TOX: variants seen among roughly 807,000 people sequenced by gnomAD.
TOX encodes thymocyte selection-associated high mobility group box protein TOX.
In TOX, 11 loss-of-function variants were observed where a neutral mutation model predicts 53.7. That is an observed-to-expected ratio of 0.20 (90% CI 0.13 to 0.34). The LOEUF (loss-of-function observed/expected upper bound fraction) is 0.34. Among genes scored for constraint, TOX ranks in the 10% least tolerant of loss-of-function variants. The pLI is 1.00. For missense variants in TOX, 570 were observed against 664.6 expected (o/e 0.86, Z 1.56); for synonymous variants, 225 against 245.3 (o/e 0.92, Z 0.77).
intron 6 of TOX, among the ~76,000 whole-genome samples, chr8:58,825,975 A>G (rs1198905759): frequency 6.6e-6 from 1 of 152,224 alleles, no homozygotes; most frequent in Non-Finnish European, 1.5e-5. Flanking sequence ...CAAATAGTTT[A>G]CTGAAATTTC....
chr8:59,064,216 C>T (rs767324579), intron 1 of TOX, among the ~76,000 whole-genome samples: 1 of 152,148 alleles, frequency 6.6e-6, no homozygotes, highest in Non-Finnish European at 1.5e-5. Flanking sequence ...CCCTGCAAAG[C>T]TATTAACATA....
chr8:59,081,093 C>A (rs1043155641), intron 1 of TOX, among the ~76,000 whole-genome samples: 1 of 152,160 alleles, frequency 6.6e-6, no homozygotes, highest in African/African-American at 2.4e-5. Context: ...GTGGTGCTAT[C>A]TAGGCTTACT....
At chr8:58,988,570 G>A (rs1813381277) in intron 1 of TOX, among the ~76,000 whole-genome samples, 1 of 152,098 alleles carries the variant, frequency 6.6e-6, no homozygotes, top group South Asian at 2.1e-4. Flanking sequence ...AATCAAGATG[G>A]GCAATTCTCA....
intron 4 of TOX, among the ~76,000 whole-genome samples, chr8:58,840,767 T>G (rs7464175): frequency 0.18 from 28,010 of 152,174 alleles, 2,811 homozygotes; most frequent in Non-Finnish European, 0.23. Context: ...CTCTGCAACC[T>G]ACTTCCGTGT....
In TOX at chr8:58,807,613, A is replaced by C; in HGVS notation, c.*134T>G. 1 of 879,510 alleles carries C rather than the reference A, an allele frequency of 1.1e-6. No homozygotes were observed. Among genetic ancestry groups the C allele is most frequent in the Non-Finnish European group, 1.8e-6 (1 of 570,234 alleles). 54.5% of individuals were successfully genotyped at this position (879,510 alleles called of 1,614,324 possible). On this transcript the variant is annotated 3_prime_UTR_variant, in exon 9 of 9. Transcript: ENST00000361421. ...ATTTCTTCCAGAGTGGGTGACCCAC[A>C]AGCTCAAATGGTCCTAAGTGCTTAG...
At chr8:58,872,857 T>A (rs1811221168) in intron 3 of TOX, among the ~76,000 whole-genome samples, 1 of 152,128 alleles carries the variant, frequency 6.6e-6, no homozygotes, top group Admixed American at 6.6e-5. Flanking sequence ...ACAAATGAAG[T>A]ATGACTTTAG....
At chr8:59,088,176 A>G (rs975523491) in intron 1 of TOX, among the ~76,000 whole-genome samples, 3 of 152,236 alleles carry the variant, frequency 2.0e-5, no homozygotes, top group Admixed American at 6.5e-5. Context: ...TTAAGCAGAT[A>G]CAGCCTATGG....
chr8:58,845,097 A>G (rs1349488644), intron 4 of TOX, among the ~76,000 whole-genome samples: 2 of 152,174 alleles, frequency 1.3e-5, no homozygotes, highest in Non-Finnish European at 2.9e-5. Context: ...TCAAAGAAAG[A>G]GAATCACTGA....
intron 1 of TOX, among the ~76,000 whole-genome samples, chr8:59,049,005 C>A (rs1286658296): frequency 6.6e-6 from 1 of 151,960 alleles, no homozygotes; most frequent in African/African-American, 2.4e-5. Flanking sequence ...TAGTCATGAG[C>A]TCTTTTCAGC....
At chr8:59,004,109 A>T (rs1358872904) in intron 1 of TOX, among the ~76,000 whole-genome samples, 28 of 152,240 alleles carry the variant, frequency 1.8e-4, no homozygotes. Context: ...GAAATGTGAC[A>T]TCTGCTCTTA....
chr8:59,086,830 C>T (rs912524604), intron 1 of TOX, among the ~76,000 whole-genome samples: 3 of 152,184 alleles, frequency 2.0e-5, no homozygotes, highest in African/African-American at 7.2e-5. Context: ...ATGCCCATTA[C>T]AGTGTAGCCA....
At chr8:59,047,067 G>A (rs974583387) in intron 1 of TOX, among the ~76,000 whole-genome samples, 6 of 152,020 alleles carry the variant, frequency 3.9e-5, no homozygotes, top group African/African-American at 1.4e-4. Flanking sequence ...ATGTGTCCAT[G>A]GAGAAAGGGA....
intron 1 of TOX, among the ~76,000 whole-genome samples, chr8:59,101,977 G>C (rs941572449): frequency 6.6e-6 from 1 of 152,182 alleles, no homozygotes; most frequent in Non-Finnish European, 1.5e-5. Context: ...GAAGCCCACT[G>C]TGGGCAGGTG....
At chr8:58,879,899 G>A (rs138328884) in intron 3 of TOX, among the ~76,000 whole-genome samples, 1 of 152,102 alleles carries the variant, frequency 6.6e-6, no homozygotes, top group African/African-American at 2.4e-5. Flanking sequence ...CCTTGTACTG[G>A]TACAACCCAT....
At chr8:59,047,208 T>G (rs1331533745) in intron 1 of TOX, among the ~76,000 whole-genome samples, 5 of 103,040 alleles carry the variant, frequency 4.9e-5, no homozygotes, top group African/African-American at 1.6e-4. Flanking sequence ...GAATTGTTTT[T>G]TTTTTTTTTT....
chr8:59,075,941 G>A (rs1158175868), intron 1 of TOX, among the ~76,000 whole-genome samples: 3 of 151,770 alleles, frequency 2.0e-5, no homozygotes. Context: ...GGAGGCGGAG[G>A]TTGCGGTGAG....
At chr8:59,074,240 G>A (rs1452338539) in intron 1 of TOX, among the ~76,000 whole-genome samples, 2 of 152,094 alleles carry the variant, frequency 1.3e-5, no homozygotes, top group East Asian at 1.9e-4. Flanking sequence ...CTTACATAAT[G>A]GGTGCTTAAG....
chr8:58,954,785 A>G (rs1313418179), intron 2 of TOX, among the ~76,000 whole-genome samples: 1 of 152,220 alleles, frequency 6.6e-6, no homozygotes, highest in East Asian at 1.9e-4. Context: ...TAGAATCAAC[A>G]CTATTTGGAA....
chr8:58,828,817 G>T (rs1810405589), intron 5 of TOX, among the ~76,000 whole-genome samples: 2 of 152,104 alleles, frequency 1.3e-5, no homozygotes, highest in South Asian at 4.1e-4. Context: ...GTTTACATTT[G>T]CTTTTAATAC....
Sources: allele counts gnomAD v4.1 joint callset (sites outside exome capture counted in the v4.1 genomes callset), GRCh38; gene constraint gnomAD v4.1.1; transcripts MANE v1.5; gene names NCBI Gene and HGNC (gene_info 2026-07-23, HGNC 2026-07-21).